SCML2: variants seen among roughly 807,000 people sequenced by gnomAD.
SCML2 encodes the protein sex comb on midleg-like protein 2.
SCML2 carries 6 observed loss-of-function variants against 48.4 expected under a neutral mutation model. The observed-to-expected ratio is 0.12, with a 90% CI of 0.07 to 0.24. SCML2 has a LOEUF of 0.24. SCML2 is among the 10% of genes least tolerant of loss of function. The pLI, the probability that SCML2 is intolerant of heterozygous loss-of-function variation, is 1.00. For missense variants in SCML2, 377 were observed against 528.2 expected (o/e 0.71, Z 2.81); for synonymous variants, 181 against 189.5 (o/e 0.95, Z 0.37).
In SCML2 at chrX:18,240,512, C is replaced by T. The variant is rs1026956258; in HGVS notation, c.*739G>A. ...TCACTGAAAAAATTTAATCTGACTC[C>T]ATCCAAACAACCCTCGTAGTATAAA... On this transcript the variant is annotated 3_prime_UTR_variant, in exon 15 of 15. Coordinates refer to ENST00000251900, the MANE Select transcript of SCML2 (RefSeq NM_006089.3). The T allele has an allele frequency of 9.0e-6, 1 of 111,452 alleles. No homozygotes were observed. The highest frequency in any genetic ancestry group is 3.3e-5 in the African/African-American group (1 of 30,712). The allele number at this position is 111,452 out of a possible 1,213,427, so 9.2% of individuals were successfully genotyped here. A position where few individuals can be genotyped will look rare whatever the true frequency, so the allele number is the denominator to read the frequency against.
intron 8 of SCML2, among the ~76,000 whole-genome samples, chrX:18,264,431 TTGTGTGTGTGTGTG>T (rs149069692): frequency 0.055 from 4,616 of 83,825 alleles, 333 homozygotes; most frequent in African/African-American, 0.18. Context: ...ATCAGTACGA[TTGTGTGTGTGTGTG>T]TGTGTGTGTG....
At chrX:18,253,787 T>C (rs980552757) in intron 11 of SCML2, among the ~76,000 whole-genome samples, 1 of 111,732 alleles carries the variant, frequency 8.9e-6, no homozygotes, top group African/African-American at 3.3e-5. Flanking sequence ...ATACATACCA[T>C]GGTAGCATAT....
intron 1 of SCML2, among the ~76,000 whole-genome samples, chrX:18,344,504 T>C (rs1335420046): frequency 8.9e-6 from 1 of 112,133 alleles, no homozygotes; most frequent in East Asian, 2.8e-4. Flanking sequence ...TCTTCAATTG[T>C]AGCTCTCATA....
intron 7 of SCML2, among the ~76,000 whole-genome samples, chrX:18,292,622 A>T (rs1928268019): frequency 9.0e-6 from 1 of 111,247 alleles, no homozygotes; most frequent in Admixed American, 9.6e-5. Context: ...ATACAAATAT[A>T]TTCTTGTTTT....
At chrX:18,299,712 A>G (rs1467500872) in intron 7 of SCML2, among the ~76,000 whole-genome samples, 1 of 109,450 alleles carries the variant, frequency 9.1e-6, no homozygotes, top group Non-Finnish European at 1.9e-5. Flanking sequence ...GATGCTGGCT[A>G]GGATGCAGAG....
chrX:18,344,154 T>TGA (rs1930125794), intron 1 of SCML2, among the ~76,000 whole-genome samples: 1 of 109,118 alleles, frequency 9.2e-6, no homozygotes, highest in Admixed American at 9.9e-5. Context: ...GGCAACATAG[T>TGA]GAGACCCTGT....
chrX:18,270,992 G>A (rs1927439348), intron 7 of SCML2, among the ~76,000 whole-genome samples: 2 of 111,559 alleles, frequency 1.8e-5, no homozygotes, highest in South Asian at 7.6e-4. Context: ...AACAGAAAAT[G>A]TCCAGGTAAG....
chrX:18,290,065 T>G (rs1330893977), intron 7 of SCML2, among the ~76,000 whole-genome samples: 2 of 111,859 alleles, frequency 1.8e-5, no homozygotes, highest in East Asian at 5.6e-4. Flanking sequence ...CCCTTAAAGT[T>G]TTAATTAAGA....
intron 3 of SCML2, among the ~76,000 whole-genome samples, chrX:18,327,911 A>G (rs776269422): frequency 5.4e-5 from 6 of 111,652 alleles, no homozygotes; most frequent in Non-Finnish European, 1.1e-4. Flanking sequence ...GGAATTCCCA[A>G]CCAGAAGCCA....
chrX:18,251,047 C>G (rs1233460588), intron 11 of SCML2, among the ~76,000 whole-genome samples: 1 of 110,358 alleles, frequency 9.1e-6, no homozygotes, highest in Admixed American at 9.7e-5. Context: ...ATTCAATTAC[C>G]TCCTACTGGG....
intron 1 of SCML2, among the ~76,000 whole-genome samples, chrX:18,346,796 C>G: frequency 9.0e-6 from 1 of 111,310 alleles, no homozygotes; most frequent in Non-Finnish European, 1.9e-5. Flanking sequence ...CACATTTATG[C>G]CTAAATGCAA....
intron 7 of SCML2, among the ~76,000 whole-genome samples, chrX:18,297,592 G>GC (rs1928437222): frequency 8.9e-6 from 1 of 111,794 alleles, no homozygotes; most frequent in Non-Finnish European, 1.9e-5. Flanking sequence ...CAGTACAGTT[G>GC]CAAGATACAA....
chrX:18,243,882 G>A (rs1002636648), intron 13 of SCML2, among the ~76,000 whole-genome samples: 16 of 111,936 alleles, frequency 1.4e-4, no homozygotes, highest in Non-Finnish European at 2.1e-4. Context: ...GCTAACCAAG[G>A]ACTGTCAACA....
chrX:18,312,680 C>T (rs1387616116), intron 6 of SCML2, among the ~76,000 whole-genome samples: 1 of 109,715 alleles, frequency 9.1e-6, no homozygotes, highest in Non-Finnish European at 1.9e-5. Flanking sequence ...GAAACAATTA[C>T]CAAGGTTTGA....
intron 5 of SCML2, among the ~76,000 whole-genome samples, chrX:18,322,492 TATAAACAACAA>T (rs1929351244): frequency 8.9e-6 from 1 of 112,311 alleles, no homozygotes; most frequent in Non-Finnish European, 1.9e-5. Context: ...TGAGAAATAT[TATAAACAACAA>T]ATAAACGACA....
chrX:18,280,984 A>G (rs766356073), intron 7 of SCML2, among the ~76,000 whole-genome samples: 1 of 112,880 alleles, frequency 8.9e-6, no homozygotes, highest in African/African-American at 3.2e-5. Flanking sequence ...CTTAAACTCA[A>G]CACTTGACCA....
intron 2 of SCML2, among the ~76,000 whole-genome samples, chrX:18,333,663 G>A: frequency 8.9e-6 from 1 of 112,015 alleles, no homozygotes; most frequent in South Asian, 3.7e-4. Flanking sequence ...AGGCCAATAT[G>A]TAAAGAATGT....
At chrX:18,286,551 A>G (rs1293714700) in intron 7 of SCML2, among the ~76,000 whole-genome samples, 1 of 111,242 alleles carries the variant, frequency 9.0e-6, no homozygotes, top group Non-Finnish European at 1.9e-5. Context: ...TGGTAAAAGC[A>G]TTTCTGTTGC....
At chrX:18,256,680 T>C (rs756112698) in intron 11 of SCML2, among the ~76,000 whole-genome samples, 168 bp downstream of exon 11, 3 of 109,981 alleles carry the variant, frequency 2.7e-5, no homozygotes, top group East Asian at 5.6e-4. Flanking sequence ...TCATTATGAA[T>C]ACAAGAAATT....
Sources: gnomAD v4.1 joint callset for allele counts (sites outside exome capture counted in the v4.1 genomes callset) on GRCh38, gnomAD v4.1.1 for gene constraint, MANE v1.5 for transcripts, NCBI Gene and HGNC (gene_info 2026-07-23, HGNC 2026-07-21) for gene names.